SINHCAF: variants seen among roughly 807,000 people sequenced by gnomAD.
The protein encoded by SINHCAF is SIN3-HDAC complex-associated factor.
Under a neutral mutation model 25.8 loss-of-function variants are expected in SINHCAF, and 3 were observed. The ratio of observed to expected loss-of-function variants is 0.12; its 90% CI spans 0.05 to 0.30. SINHCAF has a LOEUF of 0.30. SINHCAF is among the 10% of genes least tolerant of loss of function. The pLI is 1.00. For synonymous variants in SINHCAF, 70 were observed against 85.5 expected, an observed-to-expected ratio of 0.82 and a Z score of 1.00; for missense variants, 121 against 262.3, an observed-to-expected ratio of 0.46 and a Z score of 3.72.
At chr12:31,284,748 A>G (rs958009994) in intron 5 of SINHCAF, among the ~76,000 whole-genome samples, 5 of 152,200 alleles carry the variant, frequency 3.3e-5, no homozygotes, top group Non-Finnish European at 1.5e-5. Flanking sequence ...GTATCACATA[A>G]CAAGTGCTAT....
chr12:31,315,345 A>G (rs1215944225), intron 1 of SINHCAF, among the ~76,000 whole-genome samples: 1 of 152,212 alleles, frequency 6.6e-6, no homozygotes, highest in Non-Finnish European at 1.5e-5. Flanking sequence ...TCTGATAAAC[A>G]AGTTTACAAC....
At chr12:31,316,026 C>T (rs1327485090) in intron 1 of SINHCAF, among the ~76,000 whole-genome samples, 2 of 151,878 alleles carry the variant, frequency 1.3e-5, no homozygotes, top group African/African-American at 4.8e-5. Flanking sequence ...ATTTGCCAGG[C>T]GTAGTAGTGG....
At chr12:31,316,579 T>C (rs1023093809) in intron 1 of SINHCAF, among the ~76,000 whole-genome samples, 2 of 152,200 alleles carry the variant, frequency 1.3e-5, no homozygotes, top group Non-Finnish European at 2.9e-5. Context: ...TAACGTCTAA[T>C]TTTACATCTA....
At chr12:31,299,861 G>C (rs1311889926) in intron 1 of SINHCAF, among the ~76,000 whole-genome samples, 1 of 152,214 alleles carries the variant, frequency 6.6e-6, no homozygotes, top group East Asian at 1.9e-4. Flanking sequence ...GGCTATATGG[G>C]ATAGCCTACT....
intron 5 of SINHCAF, among the ~76,000 whole-genome samples, chr12:31,286,662 CAA>C (rs999169211): frequency 4.3e-4 from 24 of 55,194 alleles, no homozygotes; most frequent in Admixed American, 6.0e-4. Context: ...AACTCCGTCT[CAA>C]AAAAAAAAAA....
chr12:31,309,147 A>AG (rs1939155438), intron 1 of SINHCAF, among the ~76,000 whole-genome samples: 1 of 151,282 alleles, frequency 6.6e-6, no homozygotes, highest in South Asian at 2.1e-4. Flanking sequence ...AAAAAAAAAA[A>AG]AAAGAACACT....
intron 1 of SINHCAF, among the ~76,000 whole-genome samples, chr12:31,316,952 T>C (rs886873363): frequency 6.6e-6 from 1 of 152,214 alleles, no homozygotes; most frequent in South Asian, 2.1e-4. Flanking sequence ...GAATTTAACA[T>C]ATGTTAAGTT....
chr12:31,326,092 C>T lies in SINHCAF; in HGVS notation c.-89G>A, dbSNP rs914096421. The T allele has an allele frequency of 6.6e-6, 1 of 152,334 alleles. No individual in the cohort carries two copies. The highest frequency in any genetic ancestry group is 2.4e-5 in the African/African-American group (1 of 41,454). 9.4% of individuals were successfully genotyped at this position (152,334 alleles called of 1,614,324 possible). On this transcript the variant is annotated 5_prime_UTR_variant, in exon 1 of 6. Coordinates refer to ENST00000337682, the MANE Select transcript of SINHCAF (RefSeq NM_001135812.2). ...GCGGAGTGCACGCCAGGCCAGTCCC[C>T]CTCAAGCGCTCCCTCCTCCTCAACT...
At chr12:31,308,528 T>A (rs1453954493) in intron 1 of SINHCAF, among the ~76,000 whole-genome samples, 1 of 152,108 alleles carries the variant, frequency 6.6e-6, no homozygotes, top group Non-Finnish European at 1.5e-5. Context: ...AAAATTAAAG[T>A]TTACCCTTAA....
chr12:31,292,021 C>T (rs190256681), intron 4 of SINHCAF, among the ~76,000 whole-genome samples: 93 of 152,322 alleles, frequency 6.1e-4, no homozygotes, highest in Non-Finnish European at 2.1e-4. Context: ...CAGTCTCTAA[C>T]TACTACACAG....
In SINHCAF at chr12:31,325,311, G is replaced by C. The variant is rs940714386; in HGVS notation, c.-21+713C>G. On this transcript the variant is annotated intron_variant, in intron 1 of 5. Transcript: ENST00000337682. This position sits in a 1 kb window ranked among gnomAD's most constrained non-coding sequence, Gnocchi z 5.9. ...CGAAGAGGGCAGGCGAGTGGAAGAC[G>C]GGCTGTTTTTAAGCGACCGCGTGTT... 1 of 446,356 alleles carries C rather than the reference G, an allele frequency of 2.2e-6. No homozygotes were observed. Among genetic ancestry groups the C allele is most frequent in the Non-Finnish European group, 4.5e-6 (1 of 222,102 alleles). 27.6% of individuals were successfully genotyped at this position (446,356 alleles called of 1,614,324 possible).
At chr12:31,298,467 C>A in intron 1 of SINHCAF, 1 of 414,526 alleles carries the variant, frequency 2.4e-6, no homozygotes, top group Non-Finnish European at 4.4e-6. Flanking sequence ...ACTCGCCTAA[C>A]AAACATGCAA....
At chr12:31,321,238 C>T (rs939107476) in intron 1 of SINHCAF, among the ~76,000 whole-genome samples, 1 of 152,042 alleles carries the variant, frequency 6.6e-6, no homozygotes, top group African/African-American at 2.4e-5. Flanking sequence ...GTGGGAAATA[C>T]AAGACAATCT....
Position 31,298,175 on chromosome 12 carries a change from G to A in SINHCAF, c.30C>T (p.Tyr10=). Residue 10 remains tyrosine (Y), a synonymous_variant, in exon 2 of 6, where the codon TAC becomes TAT. Transcript: ENST00000337682. ...AAATACAGCAGCCCTCTATACTTCGGTACATCTTTGGCTTGTGAAAACCAA... is the reference window on the plus strand; with the variant it reads ...AAATACAGCAGCCCTCTATACTTCGATACATCTTTGGCTTGTGAAAACCAA... MFGFHKPKM[Y]RSIEGCCICR... 1.2e-6 allele frequency: 2 copies of A among 1,614,080 alleles called. No individual in the cohort carries two copies. The highest frequency in any genetic ancestry group is 1.7e-5 in the Admixed American group (1 of 60,002).
intron 4 of SINHCAF, among the ~76,000 whole-genome samples, chr12:31,289,120 T>A (rs546864346): frequency 6.6e-6 from 1 of 152,240 alleles, no homozygotes; most frequent in South Asian, 2.1e-4. Context: ...TTGCCCCATA[T>A]GAACGACACA....
intron 5 of SINHCAF, among the ~76,000 whole-genome samples, chr12:31,285,724 C>A (rs1222376676): frequency 6.6e-6 from 1 of 151,962 alleles, no homozygotes; most frequent in Non-Finnish European, 1.5e-5. Flanking sequence ...ACCTGTAATC[C>A]CAGCACTTTG....
In SINHCAF at chr12:31,282,215, A is replaced by C. The variant is rs1313929817; in HGVS notation, c.*497T>G. Reference sequence around the variant, plus strand: ...ATTAGAAGGGGATTAAAAAAAAAAAAGACTTAAAGAGCACTTTACAGCAGC... The same window carrying C: ...ATTAGAAGGGGATTAAAAAAAAAAACGACTTAAAGAGCACTTTACAGCAGC... On this transcript the variant is annotated 3_prime_UTR_variant, in exon 6 of 6. Coordinates refer to ENST00000337682, the MANE Select transcript of SINHCAF (RefSeq NM_001135812.2). The C allele has an allele frequency of 1.3e-5, 2 of 152,220 alleles. No individual in the cohort carries two copies. The highest frequency in any genetic ancestry group is 4.8e-5 in the African/African-American group (2 of 41,338). 9.4% of individuals were successfully genotyped at this position (152,220 alleles called of 1,614,324 possible).
rs574835449 is a variant in SINHCAF at position 31,289,849 on chromosome 12, G to A, written c.356-2065C>T. ...TTATCTTTTGGTTTTCCTTGAGACC[G>A]GATCTCACTCTGTCACCCAGGCTGA... is the stretch of plus-strand genomic sequence containing the variant. On this transcript the variant is annotated intron_variant, in intron 4 of 5. Coordinates refer to ENST00000337682, the MANE Select transcript of SINHCAF (RefSeq NM_001135812.2). Among the ~76,000 whole-genome samples, 9 of 151,004 alleles carry A rather than the reference G, an allele frequency of 6.0e-5. 1 individual carries two copies. The highest frequency in any genetic ancestry group is 2.2e-4 in the African/African-American group (9 of 41,074).
chr12:31,289,005 CTG>C (rs984231316), intron 4 of SINHCAF, among the ~76,000 whole-genome samples: 4 of 151,580 alleles, frequency 2.6e-5, no homozygotes, highest in Admixed American at 1.3e-4. Context: ...AAATTTGTAA[CTG>C]AAAAAAATAC....
Sources: gnomAD v4.1 joint callset for allele counts (sites outside exome capture counted in the v4.1 genomes callset) on GRCh38, gnomAD v4.1.1 for gene constraint, Gnocchi (gnomAD v3.1) non-coding constraint, MANE v1.5 for transcripts, NCBI Gene and HGNC (gene_info 2026-07-23, HGNC 2026-07-21) for gene names.